SNTB1: variants seen among roughly 807,000 people sequenced by gnomAD.
SNTB1 encodes syntrophin beta 1, also known as beta-1-syntrophin.
Under a neutral mutation model 48.9 loss-of-function variants are expected in SNTB1, and 36 were observed. That is an observed-to-expected ratio of 0.74 (90% CI 0.56 to 0.97). The LOEUF (loss-of-function observed/expected upper bound fraction) is 0.97. Among genes scored for constraint, SNTB1 ranks in the 50% least tolerant of loss-of-function variants. The pLI is 0.00. For synonymous variants in SNTB1, 299 were observed against 294.6 expected (o/e 1.01, Z -0.15); for missense variants, 786 against 703.4 (o/e 1.12, Z -1.33).
intron 1 of SNTB1, among the ~76,000 whole-genome samples, chr8:120,806,198 G>A (rs1401608661): frequency 6.6e-6 from 1 of 152,226 alleles, no homozygotes; most frequent in Non-Finnish European, 1.5e-5. Flanking sequence ...AATTTATGAA[G>A]GCTTTTTAGC....
chr8:120,630,490 T>C (rs1161996489), intron 3 of SNTB1, among the ~76,000 whole-genome samples: 1 of 152,174 alleles, frequency 6.6e-6, no homozygotes, highest in East Asian at 1.9e-4. Flanking sequence ...CCTTATAAAT[T>C]ATTCCTGCAT....
intron 2 of SNTB1, among the ~76,000 whole-genome samples, chr8:120,658,954 G>A (rs1325651817): frequency 6.6e-6 from 1 of 151,228 alleles, no homozygotes; most frequent in Non-Finnish European, 1.5e-5. Flanking sequence ...CAAAGTTTAT[G>A]TGATATTCTT....
chr8:120,566,392 G>GCC (rs1815749347), intron 4 of SNTB1, among the ~76,000 whole-genome samples: 1 of 144,124 alleles, frequency 6.9e-6, no homozygotes, highest in Non-Finnish European at 1.5e-5. Context: ...GTCCCTTTTT[G>GCC]CCCTTCCACC....
chr8:120,778,362 A>G (rs1026909558), intron 1 of SNTB1, among the ~76,000 whole-genome samples: 1 of 152,200 alleles, frequency 6.6e-6, no homozygotes, highest in Admixed American at 6.5e-5. Flanking sequence ...CTAAAACTCT[A>G]AAACAACTTT....
intron 2 of SNTB1, among the ~76,000 whole-genome samples, chr8:120,664,193 C>A (rs1423954918): frequency 6.6e-6 from 1 of 152,162 alleles, no homozygotes. Flanking sequence ...AAGATGAAAG[C>A]ATTTGACATG....
At chr8:120,776,424 G>A (rs1256856772) in intron 1 of SNTB1, 1 of 152,194 alleles carries the variant, frequency 6.6e-6, no homozygotes, top group Non-Finnish European at 1.5e-5. Flanking sequence ...GACTCCTACA[G>A]AGTAATGAGA....
At chr8:120,704,976 G>A (rs1237572382) in intron 1 of SNTB1, among the ~76,000 whole-genome samples, 1 of 152,180 alleles carries the variant, frequency 6.6e-6, no homozygotes, top group Admixed American at 6.5e-5. Flanking sequence ...TAGGATATTA[G>A]GCTCCACTGA....
intron 2 of SNTB1, among the ~76,000 whole-genome samples, chr8:120,662,931 C>T (rs1418218166): frequency 2.0e-5 from 3 of 147,118 alleles, no homozygotes; most frequent in Non-Finnish European, 3.0e-5. Context: ...CTGCTAGGTA[C>T]TGGAGATACT....
At chr8:120,799,392 T>C (rs1820177057) in intron 1 of SNTB1, among the ~76,000 whole-genome samples, 1 of 151,860 alleles carries the variant, frequency 6.6e-6, no homozygotes, top group South Asian at 2.1e-4. Context: ...TGCAAAATAG[T>C]CTTCAAAAAA....
intron 3 of SNTB1, among the ~76,000 whole-genome samples, chr8:120,614,332 A>G (rs1301060701): frequency 6.6e-6 from 1 of 152,226 alleles, no homozygotes; most frequent in Non-Finnish European, 1.5e-5. Context: ...CAGTTCAACC[A>G]ATCTGTCTTA....
chr8:120,746,973 A>G (rs974586471), intron 1 of SNTB1, among the ~76,000 whole-genome samples: 1 of 152,220 alleles, frequency 6.6e-6, no homozygotes, highest in African/African-American at 2.4e-5. Context: ...ATAGGGAGCA[A>G]CATGCACAGC....
At chr8:120,760,602 C>A (rs1231646508) in intron 1 of SNTB1, among the ~76,000 whole-genome samples, 1 of 152,110 alleles carries the variant, frequency 6.6e-6, no homozygotes, top group Non-Finnish European at 1.5e-5. Flanking sequence ...CAGGTTTGCA[C>A]TGTAAAGGTC....
intron 1 of SNTB1, among the ~76,000 whole-genome samples, chr8:120,754,268 G>A (rs1429327673): frequency 3.3e-5 from 5 of 152,066 alleles, no homozygotes; most frequent in African/African-American, 9.7e-5. Flanking sequence ...TGAGGCAGGT[G>A]GATTGCTTGA....
At chr8:120,681,940 CAAAG>C (rs770516333) in intron 2 of SNTB1, among the ~76,000 whole-genome samples, 2 of 151,404 alleles carry the variant, frequency 1.3e-5, no homozygotes, top group African/African-American at 2.4e-5. Flanking sequence ...AAAAAGAACA[CAAAG>C]AAAAGTAAAA....
At chr8:120,718,331 G>T (rs1369617881) in intron 1 of SNTB1, among the ~76,000 whole-genome samples, 1 of 152,204 alleles carries the variant, frequency 6.6e-6, no homozygotes, top group Non-Finnish European at 1.5e-5. Context: ...CAAGGATAGA[G>T]CTTGCGAGCT....
intron 1 of SNTB1, among the ~76,000 whole-genome samples, chr8:120,780,445 A>G (rs1245061872): frequency 6.6e-6 from 1 of 152,214 alleles, no homozygotes; most frequent in East Asian, 1.9e-4. Flanking sequence ...TTCTTTGAGC[A>G]GTGCTCAAAG....
intron 1 of SNTB1, among the ~76,000 whole-genome samples, chr8:120,714,607 A>G (rs1265013327): frequency 6.6e-6 from 1 of 152,210 alleles, no homozygotes; most frequent in Non-Finnish European, 1.5e-5. Context: ...ATATAAATAT[A>G]AATGCTGAGT....
intron 1 of SNTB1, among the ~76,000 whole-genome samples, chr8:120,810,072 T>C (rs1289655589): frequency 6.6e-6 from 1 of 152,168 alleles, no homozygotes; most frequent in Admixed American, 6.5e-5. Flanking sequence ...AGGTCTCAGC[T>C]GAAACAGTCT....
intron 1 of SNTB1, among the ~76,000 whole-genome samples, chr8:120,772,146 G>A (rs979226959): frequency 6.6e-6 from 1 of 152,112 alleles, no homozygotes; most frequent in African/African-American, 2.4e-5. Context: ...TGGGATTACA[G>A]GCATGAGCCA....
Sources: allele counts gnomAD v4.1 joint callset (sites outside exome capture counted in the v4.1 genomes callset), GRCh38; gene constraint gnomAD v4.1.1; transcripts MANE v1.5; gene names NCBI Gene and HGNC (gene_info 2026-07-23, HGNC 2026-07-21).